TG: variants seen among roughly 807,000 people sequenced by gnomAD.
The protein encoded by TG is thyroglobulin, also known as thyroid hormones.
A neutral mutation model predicts 324.7 loss-of-function variants in TG; 270 were observed. The observed-to-expected ratio is 0.83, with a 90% CI of 0.75 to 0.92. The LOEUF (loss-of-function observed/expected upper bound fraction) is 0.92. Among genes scored for constraint, TG ranks in the 40% least tolerant of loss-of-function variants. TG has a pLI of 0.00. For synonymous variants in TG, 1,401 were observed against 1,327.0 expected (o/e 1.06, Z -1.21); for missense variants, 3,591 against 3,456.4 (o/e 1.04, Z -0.98).
intron 40 of TG, among the ~76,000 whole-genome samples, chr8:133,027,103 A>T (rs1836167788): frequency 6.6e-6 from 1 of 152,182 alleles, no homozygotes; most frequent in Admixed American, 6.5e-5. Flanking sequence ...TGGCCACTAC[A>T]CTGCACTGCC....
intron 5 of TG, among the ~76,000 whole-genome samples, chr8:132,877,889 T>C (rs1486684718): frequency 6.6e-6 from 1 of 152,210 alleles, no homozygotes; most frequent in African/African-American, 2.4e-5. Context: ...AAATATGGTA[T>C]TTTTCAATTT....
At chr8:133,108,059 G>T (rs1175153628) in intron 43 of TG, among the ~76,000 whole-genome samples, 2 of 145,760 alleles carry the variant, frequency 1.4e-5, no homozygotes, top group Non-Finnish European at 3.0e-5. Flanking sequence ...GTGGCTCACT[G>T]CAAGCTCTGT....
At position 133,022,122 on chromosome 8, in the gene TG, A is replaced by G; in HGVS notation, c.7008A>G (p.Arg2336=). Residue 2336 remains arginine (R), a synonymous_variant, in exon 40 of 48, where the codon CGA becomes CGG. Coordinates refer to ENST00000220616, the MANE Select transcript of TG (RefSeq NM_003235.5). ...GNLIVVTASY[R]VGVFGFLSSG... is the part of the protein sequence containing the mutation. ...TCATCGTGGTCACTGCCAGCTACCG[A>G]GTGGGTGTCTTCGGCTTCCTGAGTT... The G allele has an allele frequency of 6.2e-7, 1 of 1,613,944 alleles. No individual in the cohort carries two copies. The highest frequency in any genetic ancestry group is 8.5e-7 in the Non-Finnish European group (1 of 1,179,994).
At chr8:132,903,126 T>C (rs1441702784) in intron 16 of TG, among the ~76,000 whole-genome samples, 1 of 152,090 alleles carries the variant, frequency 6.6e-6, no homozygotes. Context: ...GGAGGAAGGC[T>C]CCAGAAGGTC....
At chr8:132,956,954 G>A (rs560825252) in intron 27 of TG, among the ~76,000 whole-genome samples, 3 of 152,220 alleles carry the variant, frequency 2.0e-5, no homozygotes, top group African/African-American at 7.2e-5. Context: ...AGTCAAGGAC[G>A]ACCCAAGAGG....
chr8:132,913,710 T>A (rs948091451), intron 20 of TG, among the ~76,000 whole-genome samples: 1 of 152,174 alleles, frequency 6.6e-6, no homozygotes, highest in African/African-American at 2.4e-5. Flanking sequence ...CTGTGAGTAG[T>A]TTGGGGGCCA....
At chr8:132,968,044 C>T in intron 31 of TG, 74 bp downstream of exon 31, 1 of 1,533,550 alleles carries the variant, frequency 6.5e-7, no homozygotes, top group Non-Finnish European at 8.9e-7. Flanking sequence ...GAAAGATCCA[C>T]ATTAGTTTCT....
At chr8:132,989,967 T>C (rs1413266135) in intron 35 of TG, among the ~76,000 whole-genome samples, 1 of 151,960 alleles carries the variant, frequency 6.6e-6, no homozygotes, top group Non-Finnish European at 1.5e-5. Context: ...ATATAAGCAA[T>C]ATCAGTCTAG....
In TG at chr8:132,941,468, C is replaced by T. The variant is rs577918394; in HGVS notation, c.5159C>T (p.Ala1720Val). The T allele has an allele frequency of 6.2e-7, 1 of 1,614,222 alleles. No individual in the cohort carries two copies. The highest frequency in any genetic ancestry group is 8.5e-7 in the Non-Finnish European group (1 of 1,180,048). Reference sequence around the variant, plus strand: ...GCCTCAGGAGCCAATCTAACCGATGCTCACCTCTTCTGTCTTCTTGCATGC... The same window carrying T: ...GCCTCAGGAGCCAATCTAACCGATGTTCACCTCTTCTGTCTTCTTGCATGC... ...FSASGANLTD[A>V]HLFCLLACDR... The change falls in exon 26 of 48, where the codon GCT (alanine) becomes GTT (valine). Residue 1720 changes from alanine to valine, a missense_variant. Transcript: ENST00000220616.
chr8:133,123,684 C>T (rs1851311836), intron 45 of TG, among the ~76,000 whole-genome samples: 2 of 151,822 alleles, frequency 1.3e-5, no homozygotes, highest in East Asian at 3.9e-4. Flanking sequence ...TGCTCATGAA[C>T]AAAGGACTCA....
intron 45 of TG, among the ~76,000 whole-genome samples, chr8:133,131,465 A>G (rs1851942062): frequency 6.6e-6 from 1 of 152,210 alleles, no homozygotes; most frequent in South Asian, 2.1e-4. Context: ...CAGTGACTAG[A>G]AGAACACCAA....
chr8:133,075,974 T>TATTGCATATAAATATGC (rs1273529343), intron 41 of TG: 1 of 152,186 alleles, frequency 6.6e-6, no homozygotes, highest in Admixed American at 6.5e-5. Flanking sequence ...TGTTATACAT[T>TATTGCATATAAATATGC]ATGTAAATAT....
At chr8:132,939,678 TTG>T (rs1033701073) in intron 25 of TG, among the ~76,000 whole-genome samples, 1 of 149,114 alleles carries the variant, frequency 6.7e-6, no homozygotes, top group African/African-American at 2.5e-5. Flanking sequence ...TTTTTTTTGT[TTG>T]TTTGTTTGTT....
intron 41 of TG, among the ~76,000 whole-genome samples, chr8:133,093,699 G>A (rs1306752142): frequency 6.6e-6 from 1 of 152,124 alleles, no homozygotes; most frequent in Non-Finnish European, 1.5e-5. Flanking sequence ...CCCTTCTTGA[G>A]CTTGACAATA....
At chr8:133,048,234 T>G (rs1180023849) in intron 41 of TG, among the ~76,000 whole-genome samples, 1 of 152,202 alleles carries the variant, frequency 6.6e-6, no homozygotes, top group Non-Finnish European at 1.5e-5. Flanking sequence ...GTAATTTTTT[T>G]TTTGGAAATG....
chr8:133,082,607 G>C (rs1269623355), intron 41 of TG, among the ~76,000 whole-genome samples: 4 of 152,162 alleles, frequency 2.6e-5, no homozygotes, highest in African/African-American at 9.7e-5. Context: ...TTTGCGGCTA[G>C]CTTCCCCACG....
chr8:133,104,943 G>A (rs1349893354), intron 43 of TG, among the ~76,000 whole-genome samples: 4 of 152,172 alleles, frequency 2.6e-5, no homozygotes, highest in Non-Finnish European at 5.9e-5. Context: ...ATTGTGTCAT[G>A]TCCATTTGGA....
chr8:133,017,735 GCCTCTCCCCTT>G (rs1414917342), intron 37 of TG, 32 bp from the exon 38 acceptor site: 1 of 1,544,792 alleles, frequency 6.5e-7, no homozygotes, highest in Non-Finnish European at 8.9e-7. Context: ...ACTCACTGAG[GCCTCTCCCCTT>G]CCTCACCCCT....
intron 45 of TG, among the ~76,000 whole-genome samples, chr8:133,123,555 T>C (rs530234272): frequency 2.6e-5 from 4 of 152,308 alleles, no homozygotes; most frequent in Admixed American, 2.0e-4. Flanking sequence ...TCTCTGGTAT[T>C]TCCATCTCTT....
Sources: allele counts gnomAD v4.1 joint callset (sites outside exome capture counted in the v4.1 genomes callset), GRCh38; gene constraint gnomAD v4.1.1; transcripts MANE v1.5; gene names NCBI Gene and HGNC (gene_info 2026-07-23, HGNC 2026-07-21).